The following INSL6 variants were observed in gnomAD, a reference collection of about 807,000 sequenced individuals.
INSL6 encodes the protein insulin like 6, also known as insulin-like peptide INSL6.
Under a neutral mutation model 9.4 loss-of-function variants are expected in INSL6, and 16 were observed. The ratio of observed to expected loss-of-function variants is 1.70; its 90% CI spans 1.15 to 2.59. The LOEUF is 2.59. INSL6 is among the 30% of genes most tolerant of loss of function. INSL6 has a pLI of 0.00. For missense variants in INSL6, 391 were observed against 257.3 expected (o/e 1.52, Z -3.56); for synonymous variants, 154 against 96.9 (o/e 1.59, Z -3.46).
intron 2 of INSL6, among the ~76,000 whole-genome samples, chr9:5,139,334 CAA>C (rs1824445587): frequency 6.6e-6 from 1 of 152,022 alleles, no homozygotes. Context: ...ATCCATCAAA[CAA>C]ATTAATTGCA....
the INSL6 span, among the ~76,000 whole-genome samples, chr9:5,009,241 CATTT>C: frequency 2.0e-5 from 3 of 152,070 alleles, no homozygotes; most frequent in Non-Finnish European, 4.4e-5. Flanking sequence ...GAGAACGATC[CATTT>C]ATTTATTTCT....
chr9:5,087,819 T>C, the INSL6 span, among the ~76,000 whole-genome samples: 1 of 152,222 alleles, frequency 6.6e-6, no homozygotes, highest in African/African-American at 2.4e-5. Flanking sequence ...AATAGAGATG[T>C]ACACAAATAT....
At chr9:5,080,176 GA>G in the INSL6 span, 26 of 1,312,530 alleles carry the variant, frequency 2.0e-5, no homozygotes, top group Middle Eastern at 2.3e-3. Flanking sequence ...ACATATAAAA[GA>G]TTGGTTTACT....
At position 5,126,949 on chromosome 9, in the gene INSL6, G is replaced by C. The variant is rs577084695; in HGVS notation, c.*11-2438C>G. ...ATCTGCTCAAAACTTTCAAAGTTTA[G>C]TAAGTTTTTCTTCATGAGGCCACCA... is the stretch of plus-strand genomic sequence containing the variant. On this transcript the variant is annotated intron_variant, in intron 3 of 3. Coordinates refer to the INSL6 transcript ENST00000649639. The C allele has an allele frequency of 2.7e-4, 112 of 412,096 alleles. 1 individual carries two copies. The East Asian group carries it at 4.2e-3, about 15-fold the overall frequency. 25.5% of individuals were successfully genotyped at this position (412,096 alleles called of 1,614,324 possible).
intron 3 of INSL6, among the ~76,000 whole-genome samples, chr9:5,128,348 T>C (rs1824139458): frequency 6.6e-6 from 1 of 151,792 alleles, no homozygotes; most frequent in South Asian, 2.1e-4. Context: ...AAAATGACAG[T>C]GAATTAGGTT....
chr9:5,147,009 C>T (rs1334273872), intron 2 of INSL6, among the ~76,000 whole-genome samples: 1 of 152,122 alleles, frequency 6.6e-6, no homozygotes, highest in Non-Finnish European at 1.5e-5. Flanking sequence ...CAAGATTACC[C>T]TTCAGAGACC....
rs146842062 is a variant in INSL6 at position 5,184,157 on chromosome 9, C to G, written c.289+1157G>C. ...ACTTTATAAATTCTATTCATTCATT[C>G]CAAAAAAGCTAATGAGTGCCTACAA... On this transcript the variant is annotated intron_variant, in intron 1 of 1. Coordinates refer to ENST00000381641, the MANE Select transcript of INSL6 (RefSeq NM_007179.3). Among the ~76,000 whole-genome samples the G allele has an allele frequency of 4.7e-3, 708 of 152,222 alleles. 4 individuals carry two copies. Among genetic ancestry groups the G allele is most frequent in the African/African-American group, 0.015 (615 of 41,540 alleles).
chr9:5,120,227 G>C (rs992721511), downstream of INSL6, among the ~76,000 whole-genome samples: 2 of 152,202 alleles, frequency 1.3e-5, no homozygotes, highest in African/African-American at 4.8e-5. Context: ...GCCAAATGCT[G>C]CATGAAGCCT....
downstream of INSL6, among the ~76,000 whole-genome samples, chr9:5,160,550 C>G (rs1180334479): frequency 1.3e-5 from 2 of 151,992 alleles, no homozygotes; most frequent in Non-Finnish European, 2.9e-5. Context: ...ACTAGAAAAG[C>G]AAGAGCAAGC....
the INSL6 span, among the ~76,000 whole-genome samples, chr9:5,025,955 T>C: frequency 6.6e-6 from 1 of 152,264 alleles, no homozygotes; most frequent in Non-Finnish European, 1.5e-5. Flanking sequence ...TAGCACTCTT[T>C]GTCTTCATAA....
the INSL6 span, among the ~76,000 whole-genome samples, chr9:4,994,962 ATAAC>A: frequency 6.6e-6 from 1 of 151,728 alleles, no homozygotes; most frequent in African/African-American, 2.4e-5. Context: ...GTGTGTGACT[ATAAC>A]TAAAGATTAA....
chr9:5,121,435 G>A (rs935458009), downstream of INSL6, among the ~76,000 whole-genome samples: 1 of 152,138 alleles, frequency 6.6e-6, no homozygotes, highest in Admixed American at 6.6e-5. Context: ...TTGCTAATTG[G>A]CTTTATACAA....
chr9:5,090,056 A>G, the INSL6 span, among the ~76,000 whole-genome samples: 1 of 152,234 alleles, frequency 6.6e-6, no homozygotes, highest in South Asian at 2.1e-4. Flanking sequence ...TTGGTTAAAC[A>G]TTCTTTTCAC....
chr9:5,054,778 G>C, the INSL6 span: 1 of 1,613,198 alleles, frequency 6.2e-7, no homozygotes, highest in Non-Finnish European at 8.5e-7. The surrounding 1 kb of genome is among the most constrained non-coding windows in gnomAD (Gnocchi z 4.9). Flanking sequence ...GAACCTGGAA[G>C]TGGTCCTTCA....
At chr9:5,031,170 A>G in the INSL6 span, among the ~76,000 whole-genome samples, 2 of 152,222 alleles carry the variant, frequency 1.3e-5, no homozygotes, top group Admixed American at 6.5e-5. Flanking sequence ...CTCTAAGCCA[A>G]TCAAAATCCT....
chr9:5,160,910 A>C (rs1156914035), downstream of INSL6, among the ~76,000 whole-genome samples: 2 of 152,286 alleles, frequency 1.3e-5, no homozygotes, highest in Admixed American at 1.3e-4. Context: ...AAACCTGTGA[A>C]TAGACCAGTA....
At chr9:5,138,802 CTAGAATT>C in intron 2 of INSL6, among the ~76,000 whole-genome samples, 1 of 152,094 alleles carries the variant, frequency 6.6e-6, no homozygotes, top group Non-Finnish European at 1.5e-5. Context: ...ATTACAATCT[CTAGAATT>C]TAAAGATCTC....
At chr9:5,059,526 T>C in the INSL6 span, among the ~76,000 whole-genome samples, 1 of 152,186 alleles carries the variant, frequency 6.6e-6, no homozygotes, top group Non-Finnish European at 1.5e-5. Flanking sequence ...ATGAACATTC[T>C]TATACATATT....
the INSL6 span, among the ~76,000 whole-genome samples, chr9:5,031,881 T>C: frequency 6.6e-6 from 1 of 152,200 alleles, no homozygotes; most frequent in African/African-American, 2.4e-5. Flanking sequence ...TGTACCGGGT[T>C]CGTCTCACTG....
Sources: gnomAD v4.1 joint callset for allele counts (sites outside exome capture counted in the v4.1 genomes callset) on GRCh38, gnomAD v4.1.1 for gene constraint, Gnocchi (gnomAD v3.1) non-coding constraint, MANE v1.5 for transcripts, NCBI Gene and HGNC (gene_info 2026-07-23, HGNC 2026-07-21) for gene names.